STXBP5L: variants seen among roughly 807,000 people sequenced by gnomAD.
STXBP5L encodes syntaxin binding protein 5L, also known as syntaxin-binding protein 5-like.
Under a neutral mutation model 144.5 loss-of-function variants are expected in STXBP5L, and 65 were observed. The observed-to-expected ratio is 0.45, with a 90% CI of 0.37 to 0.55. The LOEUF (loss-of-function observed/expected upper bound fraction) is 0.55, where lower values mean the gene tolerates loss of function less well. Ranked by LOEUF, STXBP5L falls within the 20% of genes least tolerant of loss-of-function variation. The pLI is 0.00. For synonymous variants in STXBP5L, 505 were observed against 469.6 expected (o/e 1.08, Z -0.97); for missense variants, 1,298 against 1,405.5 (o/e 0.92, Z 1.22).
intron 3 of STXBP5L, among the ~76,000 whole-genome samples, chr3:121,038,399 C>T (rs1037245070): frequency 2.6e-5 from 4 of 151,772 alleles, no homozygotes; most frequent in Admixed American, 1.3e-4. Context: ...ATTTAATTTT[C>T]AAACATTTGG....
intron 20 of STXBP5L, among the ~76,000 whole-genome samples, chr3:121,359,905 C>T (rs1029924571): frequency 3.5e-5 from 5 of 141,868 alleles, no homozygotes; most frequent in African/African-American, 1.3e-4. Context: ...TAATGTGATT[C>T]CTCCAGTTTG....
chr3:121,207,121 A>G (rs575040751), intron 10 of STXBP5L, among the ~76,000 whole-genome samples: 1 of 152,154 alleles, frequency 6.6e-6, no homozygotes, highest in Admixed American at 6.5e-5. Context: ...TTAGCCTACT[A>G]TGCATTCACT....
intron 3 of STXBP5L, among the ~76,000 whole-genome samples, chr3:121,017,799 G>A (rs1467790662): frequency 6.6e-6 from 1 of 152,102 alleles, no homozygotes; most frequent in African/African-American, 2.4e-5. Context: ...GGGGGGTGGT[G>A]AAGGTGATGG....
intron 3 of STXBP5L, among the ~76,000 whole-genome samples, chr3:121,020,342 G>C (rs534024771): frequency 6.6e-6 from 1 of 152,270 alleles, no homozygotes; most frequent in Non-Finnish European, 1.5e-5. Flanking sequence ...ACATATTTGA[G>C]GGAATAATCA....
intron 7 of STXBP5L, among the ~76,000 whole-genome samples, chr3:121,135,798 T>C (rs2045228556): frequency 6.6e-6 from 1 of 152,150 alleles, no homozygotes; most frequent in South Asian, 2.1e-4. Context: ...GAACTCCTGC[T>C]CTAGACCACC....
intron 3 of STXBP5L, among the ~76,000 whole-genome samples, chr3:121,006,797 C>G (rs987030438): frequency 3.3e-5 from 5 of 152,098 alleles, no homozygotes; most frequent in African/African-American, 9.7e-5. Context: ...TTTTATTTCA[C>G]CTTCACTTAT....
intron 14 of STXBP5L, among the ~76,000 whole-genome samples, chr3:121,245,996 C>T (rs984334583): frequency 2.0e-5 from 3 of 152,102 alleles, no homozygotes; most frequent in Non-Finnish European, 4.4e-5. Context: ...TCTCCTTAAG[C>T]ACACATGGAC....
chr3:121,002,699 TC>T (rs71619791), intron 3 of STXBP5L, among the ~76,000 whole-genome samples: 1 of 149,938 alleles, frequency 6.7e-6, no homozygotes, highest in African/African-American at 2.4e-5. Context: ...ATGCAATCCC[TC>T]CCCCAGCCCC....
chr3:121,093,024 G>A (rs1384246915), intron 5 of STXBP5L, among the ~76,000 whole-genome samples: 1 of 152,226 alleles, frequency 6.6e-6, no homozygotes, highest in African/African-American at 2.4e-5. Context: ...CAGCTATTGA[G>A]ATAATCATGT....
chr3:121,122,065 A>G (rs2044492347), intron 7 of STXBP5L, among the ~76,000 whole-genome samples: 1 of 151,226 alleles, frequency 6.6e-6, no homozygotes, highest in Admixed American at 6.6e-5. Context: ...CCAATATTAA[A>G]TAACATAAAT....
intron 20 of STXBP5L, among the ~76,000 whole-genome samples, chr3:121,336,989 C>A (rs748968558): frequency 1.7e-4 from 26 of 152,096 alleles, no homozygotes; most frequent in Non-Finnish European, 3.2e-4. Context: ...CCTTAGCAAA[C>A]GAATGCAGGA....
intron 2 of STXBP5L, among the ~76,000 whole-genome samples, chr3:120,924,282 T>A (rs1709498442): frequency 6.6e-6 from 1 of 152,168 alleles, no homozygotes. Flanking sequence ...ACAGTCAAAT[T>A]CATGTGAATG....
intron 3 of STXBP5L, among the ~76,000 whole-genome samples, chr3:120,959,808 G>C (rs1938539726): frequency 6.6e-6 from 1 of 152,126 alleles, no homozygotes; most frequent in Non-Finnish European, 1.5e-5. Context: ...AACCCTAGAA[G>C]AAAACCTAGG....
At chr3:121,193,245 A>G (rs1364006710) in intron 9 of STXBP5L, among the ~76,000 whole-genome samples, 1 of 143,572 alleles carries the variant, frequency 7.0e-6, no homozygotes, top group Non-Finnish European at 1.5e-5. Flanking sequence ...TGGCCGTCAG[A>G]GAAATGCAAA....
intron 12 of STXBP5L, among the ~76,000 whole-genome samples, chr3:121,236,638 G>C (rs1413648871): frequency 6.6e-6 from 1 of 152,282 alleles, no homozygotes; most frequent in East Asian, 1.9e-4. Context: ...CCTGTGAAGG[G>C]GAAAGACATC....
chr3:121,209,767 C>A (rs533377099), intron 10 of STXBP5L, among the ~76,000 whole-genome samples: 130 of 152,256 alleles, frequency 8.5e-4, no homozygotes, highest in Non-Finnish European at 1.4e-3. Flanking sequence ...TGAACTCATC[C>A]TTTTTCATGG....
At chr3:121,119,615 T>A (rs2044372700) in intron 6 of STXBP5L, among the ~76,000 whole-genome samples, 1 of 151,354 alleles carries the variant, frequency 6.6e-6, no homozygotes, top group African/African-American at 2.4e-5. Context: ...TTTTTGTAAT[T>A]TTCAGAATCC....
intron 9 of STXBP5L, among the ~76,000 whole-genome samples, chr3:121,181,830 T>A (rs1442225532): frequency 6.6e-6 from 1 of 151,812 alleles, no homozygotes; most frequent in Non-Finnish European, 1.5e-5. Flanking sequence ...ACATAAGGAC[T>A]CACATAAACT....
intron 3 of STXBP5L, among the ~76,000 whole-genome samples, chr3:120,974,814 T>G (rs74644790): frequency 0.15 from 22,628 of 151,924 alleles, 2,037 homozygotes; most frequent in East Asian, 0.48. Flanking sequence ...TTTCCCCATT[T>G]CTTGTTTTTG....
Sources: allele counts gnomAD v4.1 joint callset (sites outside exome capture counted in the v4.1 genomes callset), GRCh38; gene constraint gnomAD v4.1.1; transcripts MANE v1.5; gene names NCBI Gene and HGNC (gene_info 2026-07-23, HGNC 2026-07-21).